The following ALK variants were observed in gnomAD, a reference collection of about 807,000 sequenced individuals.
ALK encodes the protein ALK receptor tyrosine kinase.
ALK carries 74 observed loss-of-function variants against 163.1 expected under a neutral mutation model. The observed-to-expected ratio is 0.45, with a 90% CI of 0.38 to 0.55. The LOEUF (loss-of-function observed/expected upper bound fraction) is 0.55, where lower values mean the gene tolerates loss of function less well. ALK is among the 20% of genes least tolerant of loss of function. The probability of loss-of-function intolerance (pLI) is 0.00; values close to 1 mark genes in which losing one functional copy is unlikely to be tolerated. For missense variants in ALK, 2,063 were observed against 2,105.3 expected, an observed-to-expected ratio of 0.98 and a Z score of 0.39; for synonymous variants, 960 against 843.2, an observed-to-expected ratio of 1.14 and a Z score of -2.40.
chr2:29,890,671 G>C (rs963282518), intron 1 of ALK: 6 of 152,156 alleles, frequency 3.9e-5, no homozygotes, highest in African/African-American at 1.4e-4. Flanking sequence ...CGGGTGGCAG[G>C]GTAGCTGCCA....
chr2:29,838,181 A>C (rs535606183), intron 1 of ALK, among the ~76,000 whole-genome samples: 2 of 152,152 alleles, frequency 1.3e-5, no homozygotes, highest in Admixed American at 1.3e-4. Flanking sequence ...GAGTAGAAAA[A>C]TGTTAAAAAG....
intron 2 of ALK, among the ~76,000 whole-genome samples, chr2:29,708,042 G>A (rs992629751): frequency 4.6e-5 from 7 of 152,158 alleles, no homozygotes; most frequent in African/African-American, 1.7e-4. Context: ...ACCTTTTGTT[G>A]GGATGTTACA....
rs77756352 is a variant in ALK, at chr2:29,722,162, T to C, written c.668-4465A>G. 8.9e-3 allele frequency among the ~76,000 whole-genome samples: 1,349 copies of C among 152,350 alleles called. 14 individuals are homozygous for C. The highest frequency in any genetic ancestry group is 0.014 in the Non-Finnish European group (920 of 68,036). ...TTATTCTTCTTTGCCAGGTCTTCCT[T>C]ATTTTCCAAACTGTAGAGGAGGAAA... On this transcript the variant is annotated intron_variant, in intron 1 of 28. Transcript: ENST00000389048.
intron 9 of ALK, among the ~76,000 whole-genome samples, chr2:29,280,631 G>A (rs1665690358): frequency 6.6e-6 from 1 of 150,710 alleles, no homozygotes. Context: ...TGGGACTGAG[G>A]GAAAGTTCTA....
intron 4 of ALK, among the ~76,000 whole-genome samples, chr2:29,385,983 C>A (rs1001814494): frequency 6.6e-6 from 1 of 152,160 alleles, no homozygotes; most frequent in Non-Finnish European, 1.5e-5. Flanking sequence ...CACAGTAAAT[C>A]GGGGGCCCAT....
At chr2:29,691,357 T>C (rs1193797287) in intron 3 of ALK, among the ~76,000 whole-genome samples, 1 of 152,196 alleles carries the variant, frequency 6.6e-6, no homozygotes, top group African/African-American at 2.4e-5. Flanking sequence ...CTCTCTTAAG[T>C]TATGTTTGGA....
chr2:29,275,878 A>G (rs544694994), intron 9 of ALK, among the ~76,000 whole-genome samples: 124 of 152,316 alleles, frequency 8.1e-4, no homozygotes, highest in African/African-American at 3.0e-3. Flanking sequence ...GAGTGATTTC[A>G]AGGCACTGAG....
intron 1 of ALK, among the ~76,000 whole-genome samples, chr2:29,767,831 C>T (rs1010639295): frequency 7.2e-5 from 11 of 152,212 alleles, no homozygotes; most frequent in Non-Finnish European, 1.5e-4. Context: ...GGCCTGGCAT[C>T]TTGTGTCCTG....
intron 1 of ALK, among the ~76,000 whole-genome samples, chr2:29,830,843 G>A (rs1665354451): frequency 6.8e-6 from 1 of 146,942 alleles, no homozygotes; most frequent in Non-Finnish European, 1.5e-5. Context: ...GTACAAGGCT[G>A]CAGTGAGCCA....
intron 6 of ALK, 48 bp from the exon 7 acceptor site, chr2:29,320,930 C>T: frequency 1.2e-6 from 2 of 1,613,128 alleles, no homozygotes; most frequent in Non-Finnish European, 1.7e-6. Flanking sequence ...CCACTAAAGG[C>T]AAAATATGCC....
At chr2:29,541,606 G>C (rs765411141) in intron 3 of ALK, among the ~76,000 whole-genome samples, 1 of 152,184 alleles carries the variant, frequency 6.6e-6, no homozygotes, top group Admixed American at 6.6e-5. Flanking sequence ...TGTGAAACTT[G>C]TTAAGGCTTC....
intron 1 of ALK, among the ~76,000 whole-genome samples, chr2:29,811,675 T>C (rs1271892611): frequency 6.6e-6 from 1 of 152,218 alleles, no homozygotes; most frequent in African/African-American, 2.4e-5. Context: ...GTAGCTGACC[T>C]GGCCAAACAG....
At chr2:29,292,099 CTAAA>C (rs1666041150) in intron 9 of ALK, among the ~76,000 whole-genome samples, 2 of 152,232 alleles carry the variant, frequency 1.3e-5, no homozygotes, top group East Asian at 3.8e-4. Flanking sequence ...AACAGGAAAT[CTAAA>C]TATCTCCAGA....
intron 12 of ALK, among the ~76,000 whole-genome samples, chr2:29,244,665 C>G (rs1664611731): frequency 6.6e-6 from 1 of 152,218 alleles, no homozygotes; most frequent in South Asian, 2.1e-4. Flanking sequence ...CTTTCTAAGT[C>G]ACATGGAGCA....
At chr2:29,208,074 CAGTCT>C (rs1669361770) in intron 25 of ALK, 1 of 439,854 alleles carries the variant, frequency 2.3e-6, no homozygotes, top group Non-Finnish European at 4.5e-6. Flanking sequence ...ATAAATAGGT[CAGTCT>C]CTCTCTCCCA....
At chr2:29,735,700 T>C (rs1278049157) in intron 1 of ALK, among the ~76,000 whole-genome samples, 2 of 152,084 alleles carry the variant, frequency 1.3e-5, no homozygotes, top group East Asian at 3.9e-4. Flanking sequence ...GTTCTCATGA[T>C]AGCGAGTGAA....
intron 28 of ALK, 81 bp downstream of exon 28, chr2:29,196,689 C>G (rs570611009): frequency 1.0e-6 from 1 of 1,003,596 alleles, no homozygotes; most frequent in East Asian, 2.4e-5. Context: ...CTGGCTTGAC[C>G]TATTTCATAT....
At chr2:29,465,666 C>A (rs1304524238) in intron 4 of ALK, among the ~76,000 whole-genome samples, 2 of 151,952 alleles carry the variant, frequency 1.3e-5, no homozygotes, top group Non-Finnish European at 2.9e-5. Context: ...TACCCTCCAA[C>A]CTGGGCAACA....
intron 1 of ALK, among the ~76,000 whole-genome samples, chr2:29,799,222 T>G (rs1303751180): frequency 6.6e-6 from 1 of 152,200 alleles, no homozygotes; most frequent in Non-Finnish European, 1.5e-5. Context: ...CTTTTGAGTG[T>G]TGAAAAGAAA....
Sources: gnomAD v4.1 joint callset for allele counts (sites outside exome capture counted in the v4.1 genomes callset) on GRCh38, gnomAD v4.1.1 for gene constraint, MANE v1.5 for transcripts, NCBI Gene and HGNC (gene_info 2026-07-23, HGNC 2026-07-21) for gene names.